The following PEBP4 variants were observed in gnomAD, a reference collection of about 807,000 sequenced individuals.
The protein encoded by PEBP4 is phosphatidylethanolamine binding protein 4, also known as phosphatidylethanolamine-binding protein 4.
In PEBP4, 22 loss-of-function variants were observed where a neutral mutation model predicts 23.9. The ratio of observed to expected loss-of-function variants is 0.92; its 90% confidence interval spans 0.66 to 1.31. The LOEUF is 1.31. PEBP4 is among the 40% of genes most tolerant of loss of function. The pLI is 0.00. For missense variants in PEBP4, 324 were observed against 281.7 expected (o/e 1.15, Z -1.07); for synonymous variants, 112 against 99.3 (o/e 1.13, Z -0.76).
At chr8:22,932,889 C>T (rs1166864717), upstream of PEBP4, among the ~76,000 whole-genome samples, 1 of 151,680 alleles carries the variant, frequency 6.6e-6, no homozygotes, top group Non-Finnish European at 1.5e-5. Flanking sequence ...CCTGTAATCC[C>T]AGCTATTTGG....
chr8:22,847,768 A>T (rs1807467962), intron 3 of PEBP4, among the ~76,000 whole-genome samples: 1 of 152,062 alleles, frequency 6.6e-6, no homozygotes, highest in African/African-American at 2.4e-5. Flanking sequence ...GAAGCTGAGG[A>T]TGGTCTGAGT....
chr8:22,838,367 G>C (rs963208890), intron 3 of PEBP4, among the ~76,000 whole-genome samples: 5 of 152,124 alleles, frequency 3.3e-5, no homozygotes, highest in African/African-American at 1.2e-4. Flanking sequence ...CAATGTTCTG[G>C]AAAGGGAAAG....
rs529166985 is a variant in PEBP4 at position 22,741,039 on chromosome 8, G to A, written c.358-13819C>T. 3.3e-5 allele frequency among the ~76,000 whole-genome samples: 5 copies of A among 152,360 alleles called. No homozygotes were observed. In the East Asian group the frequency reaches 9.6e-4, roughly 29 times the overall value. On this transcript the variant is annotated intron_variant, in intron 4 of 6. Transcript: ENST00000256404. The stretch of plus-strand genomic sequence containing the variant: ...GGACCTCAGGGACTGGGAAGAGACA[G>A]ATGGGATGGAAGAGGCGAGAGAAGA...
At chr8:22,834,353 G>A (rs1021491073) in intron 3 of PEBP4, among the ~76,000 whole-genome samples, 8 of 152,208 alleles carry the variant, frequency 5.3e-5, no homozygotes, top group Non-Finnish European at 1.0e-4. Flanking sequence ...CCCTGGAGCC[G>A]AAAGCCTTTC....
chr8:22,937,329 C>A (rs890249829), intron 1 of PEBP4, among the ~76,000 whole-genome samples: 7 of 152,096 alleles, frequency 4.6e-5, no homozygotes, highest in Non-Finnish European at 1.0e-4. Flanking sequence ...ATTAGGAAAA[C>A]AACTCTGTTT....
At chr8:22,773,795 C>A (rs1484973166) in intron 4 of PEBP4, among the ~76,000 whole-genome samples, 1 of 152,158 alleles carries the variant, frequency 6.6e-6, no homozygotes, top group Non-Finnish European at 1.5e-5. Flanking sequence ...TGCAGGGTTG[C>A]TTGCTGTTCC....
intron 3 of PEBP4, among the ~76,000 whole-genome samples, chr8:22,876,796 C>A (rs78153970): frequency 1.3e-5 from 2 of 152,170 alleles, no homozygotes; most frequent in African/African-American, 4.8e-5. Flanking sequence ...TGGAGCAAAG[C>A]CAAAATCTGG....
chr8:22,815,410 G>C (rs965022594), intron 4 of PEBP4, among the ~76,000 whole-genome samples: 8 of 152,170 alleles, frequency 5.3e-5, no homozygotes, highest in Non-Finnish European at 1.0e-4. Flanking sequence ...AACTGTTTGA[G>C]ACCCACTTAG....
At chr8:22,743,371 C>T (rs1244539895) in intron 4 of PEBP4, among the ~76,000 whole-genome samples, 2 of 152,192 alleles carry the variant, frequency 1.3e-5, no homozygotes, top group Non-Finnish European at 2.9e-5. Flanking sequence ...CCTCTAATGA[C>T]GGGGTTGAGG....
intron 4 of PEBP4, among the ~76,000 whole-genome samples, chr8:22,777,097 G>A (rs1805829263): frequency 6.6e-6 from 1 of 152,060 alleles, no homozygotes; most frequent in Non-Finnish European, 1.5e-5. Context: ...GTGTGGGTCA[G>A]AGCATACAAG....
chr8:22,722,271 C>A (rs944243597), intron 6 of PEBP4, among the ~76,000 whole-genome samples: 3 of 152,200 alleles, frequency 2.0e-5, no homozygotes, highest in Admixed American at 2.0e-4. Flanking sequence ...AGGGCCCAGC[C>A]CTGCTCCAAC....
rs534834426 is a variant in PEBP4, at chr8:22,760,400, G to A, written c.358-33180C>T. On this transcript the variant is annotated intron_variant, in intron 4 of 6. Coordinates refer to ENST00000256404, the MANE Select transcript of PEBP4 (RefSeq NM_144962.3). ...TATGGGTCTGGTAAACGCCTCACAAGCAGAGACCATGACTTATTTATCTTT... is the reference window on the plus strand; with the variant it reads ...TATGGGTCTGGTAAACGCCTCACAAACAGAGACCATGACTTATTTATCTTT... Among the ~76,000 whole-genome samples, 22 of 152,294 alleles carry A rather than the reference G, an allele frequency of 1.4e-4. No homozygotes were observed. The South Asian group carries it at 1.5e-3, about 10-fold the overall frequency.
At chr8:22,897,025 GTA>G (rs938897520) in intron 3 of PEBP4, among the ~76,000 whole-genome samples, 24 of 150,826 alleles carry the variant, frequency 1.6e-4, no homozygotes, top group Middle Eastern at 3.4e-3. Context: ...ATATCTGTGT[GTA>G]TGTGTGTGTG....
intron 3 of PEBP4, among the ~76,000 whole-genome samples, chr8:22,821,915 G>A (rs1806865300): frequency 6.6e-6 from 1 of 150,784 alleles, no homozygotes. Context: ...AACTCGGGAG[G>A]TGGAGGTTGT....
At chr8:22,855,452 C>A (rs1375507745) in intron 3 of PEBP4, among the ~76,000 whole-genome samples, 1 of 152,172 alleles carries the variant, frequency 6.6e-6, no homozygotes, top group East Asian at 1.9e-4. Flanking sequence ...CCTTCCCCAG[C>A]CCTCAGAGAG....
At chr8:22,802,415 T>G (rs1188206138) in intron 4 of PEBP4, among the ~76,000 whole-genome samples, 5 of 152,200 alleles carry the variant, frequency 3.3e-5, no homozygotes, top group Non-Finnish European at 5.9e-5. Context: ...CCTTCTCCAG[T>G]TTCTGCCCAA....
At chr8:22,739,703 C>T (rs554800148) in intron 4 of PEBP4, among the ~76,000 whole-genome samples, 6 of 152,194 alleles carry the variant, frequency 3.9e-5, no homozygotes, top group Non-Finnish European at 8.8e-5. Flanking sequence ...CAGCAGTCTC[C>T]CCGAGCTCCG....
At chr8:22,814,405 G>T (rs192827638) in intron 4 of PEBP4, among the ~76,000 whole-genome samples, 183 of 152,312 alleles carry the variant, frequency 1.2e-3, no homozygotes, top group African/African-American at 4.1e-3. Flanking sequence ...TTTTATTTAA[G>T]TTATCCAAAG....
chr8:22,737,105 C>A (rs958140945), intron 4 of PEBP4, among the ~76,000 whole-genome samples: 8 of 151,968 alleles, frequency 5.3e-5, no homozygotes, highest in African/African-American at 1.9e-4. Flanking sequence ...ACCAGCCTGG[C>A]CAACTTGGCA....
Sources: allele counts gnomAD v4.1 joint callset (sites outside exome capture counted in the v4.1 genomes callset), GRCh38; gene constraint gnomAD v4.1.1; transcripts MANE v1.5; gene names NCBI Gene and HGNC (gene_info 2026-07-23, HGNC 2026-07-21).